Variants in PBX3 observed in about 807,000 individuals in gnomAD.
The protein encoded by PBX3 is pre-B-cell leukemia transcription factor 3.
In PBX3, 14 loss-of-function variants were observed where a neutral mutation model predicts 48.5. The ratio of observed to expected loss-of-function variants is 0.29; its 90% CI spans 0.19 to 0.45. PBX3 has a LOEUF of 0.45. PBX3 is among the 20% of genes least tolerant of loss of function. PBX3 has a pLI of 1.00. For missense variants in PBX3, 386 were observed against 546.7 expected, an observed-to-expected ratio of 0.71 and a Z score of 2.93; for synonymous variants, 210 against 200.3, an observed-to-expected ratio of 1.05 and a Z score of -0.41.
intron 2 of PBX3, among the ~76,000 whole-genome samples, chr9:125,908,238 T>C (rs1354836609): frequency 1.3e-5 from 2 of 152,002 alleles, no homozygotes; most frequent in East Asian, 1.9e-4. Context: ...TTCCAGAAAA[T>C]AGAGCAGTGA....
At chr9:125,909,430 C>T (rs1474824757) in intron 2 of PBX3, among the ~76,000 whole-genome samples, 2 of 152,290 alleles carry the variant, frequency 1.3e-5, no homozygotes, top group East Asian at 3.9e-4. Flanking sequence ...AAATGAACTA[C>T]TGGGTAAATA....
chr9:125,849,119 C>G (rs1458390868), intron 2 of PBX3, among the ~76,000 whole-genome samples: 1 of 151,950 alleles, frequency 6.6e-6, no homozygotes, highest in Non-Finnish European at 1.5e-5. Flanking sequence ...GATCACATGG[C>G]TAATAAGTGA....
chr9:125,796,699 C>G (rs893860640), intron 2 of PBX3, among the ~76,000 whole-genome samples: 3 of 152,050 alleles, frequency 2.0e-5, no homozygotes, highest in Admixed American at 2.0e-4. Flanking sequence ...GATTAAACAT[C>G]ACTGAAAAGC....
intron 2 of PBX3, among the ~76,000 whole-genome samples, chr9:125,915,409 A>G (rs923415284): frequency 8.5e-5 from 13 of 152,296 alleles, no homozygotes; most frequent in Non-Finnish European, 1.2e-4. Flanking sequence ...AAAATATTCC[A>G]GGAAGCCAGG....
At chr9:125,852,658 T>G (rs1205298077) in intron 2 of PBX3, among the ~76,000 whole-genome samples, 1 of 152,180 alleles carries the variant, frequency 6.6e-6, no homozygotes, top group African/African-American at 2.4e-5. Context: ...CTGGAAACAT[T>G]GAAGGTGGAA....
At chr9:125,816,684 A>G (rs1838473723) in intron 2 of PBX3, among the ~76,000 whole-genome samples, 1 of 151,070 alleles carries the variant, frequency 6.6e-6, no homozygotes, top group African/African-American at 2.4e-5. Flanking sequence ...TTTATATTAT[A>G]CTCTTTTGAC....
chr9:125,827,041 C>A (rs1194020266), intron 2 of PBX3, among the ~76,000 whole-genome samples: 1 of 152,170 alleles, frequency 6.6e-6, no homozygotes, highest in Non-Finnish European at 1.5e-5. Flanking sequence ...CCCACCCACA[C>A]CCCTCCCAGT....
At chr9:125,965,775 G>GGTT in intron 8 of PBX3, 56 bp from the exon 9 acceptor site, 1 of 1,291,754 alleles carries the variant, frequency 7.7e-7, no homozygotes, top group Non-Finnish European at 1.1e-6. Flanking sequence ...GTTTTAAATT[G>GGTT]GGGAGTAGAA....
At chr9:125,887,331 A>C (rs559822469) in intron 2 of PBX3, among the ~76,000 whole-genome samples, 2 of 152,256 alleles carry the variant, frequency 1.3e-5, no homozygotes, top group South Asian at 2.1e-4. Flanking sequence ...TTGTAATTTG[A>C]CACTTAAGTT....
At chr9:125,930,847 T>C (rs1382906703) in intron 4 of PBX3, among the ~76,000 whole-genome samples, 2 of 152,210 alleles carry the variant, frequency 1.3e-5, no homozygotes, top group African/African-American at 4.8e-5. Flanking sequence ...GCTACCATGA[T>C]TGCTTTGCTT....
At chr9:125,945,097 G>A (rs1842038509) in intron 5 of PBX3, among the ~76,000 whole-genome samples, 1 of 152,108 alleles carries the variant, frequency 6.6e-6, no homozygotes, top group African/African-American at 2.4e-5. Context: ...GGTGGCGCAT[G>A]CCGGTGGTTC....
At chr9:125,949,026 G>A (rs1842131234) in intron 5 of PBX3, among the ~76,000 whole-genome samples, 1 of 152,236 alleles carries the variant, frequency 6.6e-6, no homozygotes, top group South Asian at 2.1e-4. Context: ...CTCTCAAAGT[G>A]CTGGAATTAC....
At chr9:125,957,376 A>T (rs1389100322) in intron 5 of PBX3, among the ~76,000 whole-genome samples, 1 of 152,228 alleles carries the variant, frequency 6.6e-6, no homozygotes, top group Non-Finnish European at 1.5e-5. Context: ...AAAGATTAAG[A>T]AGTATTGGGA....
chr9:125,877,794 A>G (rs1840291127), intron 2 of PBX3, among the ~76,000 whole-genome samples: 1 of 152,138 alleles, frequency 6.6e-6, no homozygotes, highest in African/African-American at 2.4e-5. Flanking sequence ...AACATCAACA[A>G]TTACTGAGTA....
chr9:125,801,790 T>TACACACACAC (rs367989628), intron 2 of PBX3, among the ~76,000 whole-genome samples: 12,817 of 146,190 alleles, frequency 0.088, 597 homozygotes, highest in Admixed American at 0.13. Flanking sequence ...TGTATACACA[T>TACACACACAC]ACACACACAC....
At chr9:125,812,958 CAGTG>C (rs1217920587) in intron 2 of PBX3, among the ~76,000 whole-genome samples, 3 of 152,166 alleles carry the variant, frequency 2.0e-5, no homozygotes, top group African/African-American at 7.2e-5. Context: ...GAAAATTGCT[CAGTG>C]AGTGAGTGGT....
At chr9:125,879,230 A>C (rs1488517541) in intron 2 of PBX3, among the ~76,000 whole-genome samples, 3 of 151,882 alleles carry the variant, frequency 2.0e-5, no homozygotes, top group African/African-American at 7.3e-5. Flanking sequence ...GGTGCACTCC[A>C]CCACGCCCGG....
intron 2 of PBX3, among the ~76,000 whole-genome samples, chr9:125,809,705 A>G (rs961274488): frequency 2.6e-5 from 4 of 152,330 alleles, no homozygotes; most frequent in African/African-American, 9.6e-5. Flanking sequence ...ATATTCAGCT[A>G]TATTAAAATT....
At chr9:125,871,376 G>T (rs1223929280) in intron 2 of PBX3, among the ~76,000 whole-genome samples, 1 of 106,708 alleles carries the variant, frequency 9.4e-6, no homozygotes, top group Non-Finnish European at 2.1e-5. Flanking sequence ...GCAAGACTCC[G>T]TCTCAAAAAA....
Sources: gnomAD v4.1 joint callset for allele counts (sites outside exome capture counted in the v4.1 genomes callset) on GRCh38, gnomAD v4.1.1 for gene constraint, MANE v1.5 for transcripts, NCBI Gene and HGNC (gene_info 2026-07-23, HGNC 2026-07-21) for gene names.